Variants in TNFRSF21 observed in about 807,000 individuals in gnomAD.
TNFRSF21 encodes TNF receptor superfamily member 21, also known as tumor necrosis factor receptor superfamily member 21.
TNFRSF21 carries 19 observed loss-of-function variants against 45.6 expected under a neutral mutation model. The observed-to-expected ratio is 0.42, with a 90% CI of 0.29 to 0.61. The LOEUF (loss-of-function observed/expected upper bound fraction) is 0.61. TNFRSF21 is among the 20% of genes least tolerant of loss of function. TNFRSF21 has a pLI of 0.23. For synonymous variants in TNFRSF21, 314 were observed against 335.5 expected (o/e 0.94, Z 0.70); for missense variants, 737 against 851.5 (o/e 0.87, Z 1.67).
chr6:47,256,815 T>C lies in TNFRSF21; in HGVS notation c.1244-3294A>G, dbSNP rs533430187. Among the ~76,000 whole-genome samples the C allele has an allele frequency of 3.3e-5, 5 of 152,330 alleles. No individual in the cohort carries two copies. In the South Asian group the frequency reaches 6.2e-4, roughly 19 times the overall value. On this transcript the variant is annotated intron_variant, in intron 3 of 5. Transcript: ENST00000296861. ...AAAAGTCTTGTTAGTCCCTGAATCT[T>C]AATTTAGATCAATTTGACTAAGGTC...
At chr6:47,282,353 C>T (rs1762579828) in intron 3 of TNFRSF21, among the ~76,000 whole-genome samples, 2 of 145,328 alleles carry the variant, frequency 1.4e-5, no homozygotes, top group Admixed American at 7.2e-5. Flanking sequence ...CATTGCACTC[C>T]AGCCTGAGCA....
chr6:47,253,730 G>A (rs896909299), intron 3 of TNFRSF21, among the ~76,000 whole-genome samples: 6 of 152,192 alleles, frequency 3.9e-5, no homozygotes, highest in African/African-American at 1.4e-4. Context: ...CTTCCTGAGT[G>A]TGGAACCAGA....
intron 4 of TNFRSF21, among the ~76,000 whole-genome samples, chr6:47,248,990 G>A (rs376136634): frequency 3.9e-5 from 6 of 152,182 alleles, no homozygotes; most frequent in African/African-American, 1.4e-4. Flanking sequence ...AGAAACTGAG[G>A]CAGAGAGGCC....
Position 47,234,913 on chromosome 6 carries a change from A to T in TNFRSF21, c.1510-15T>A, listed in dbSNP as rs762364441. ...TCAGTTTCCAGCTGTAGGAGGGAAAATTTTTTTTTATTATATATAGAAAAA... is the reference window on the plus strand; with the variant it reads ...TCAGTTTCCAGCTGTAGGAGGGAAATTTTTTTTTTATTATATATAGAAAAA... On this transcript the variant is annotated splice_polypyrimidine_tract_variant and intron_variant, in intron 4 of 5. Transcript: ENST00000296861. 75 of 1,299,794 alleles carry T rather than the reference A, an allele frequency of 5.8e-5. No individual in the cohort carries two copies. The highest frequency in any genetic ancestry group is 1.2e-4 in the Admixed American group (3 of 24,434). The allele number at this position is 1,299,794 out of a possible 1,614,324, so 80.5% of individuals were successfully genotyped here.
intron 1 of TNFRSF21, among the ~76,000 whole-genome samples, chr6:47,295,804 T>A (rs371727991): frequency 2.0e-5 from 3 of 148,258 alleles, no homozygotes; most frequent in East Asian, 2.0e-4. Flanking sequence ...CTCTCTGATT[T>A]AAAAAAAAAA....
intron 1 of TNFRSF21, 123 bp from the exon 2 acceptor site, chr6:47,286,718 G>T: frequency 9.5e-7 from 1 of 1,057,492 alleles, no homozygotes; most frequent in Non-Finnish European, 1.3e-6. Context: ...GATCCGACCA[G>T]GACTGCATCC....
chr6:47,301,885 A>C (rs1346571942), intron 1 of TNFRSF21, among the ~76,000 whole-genome samples: 1 of 152,180 alleles, frequency 6.6e-6, no homozygotes, highest in East Asian at 1.9e-4. Context: ...AAAACGGATT[A>C]ACAAAAATAT....
In TNFRSF21 at chr6:47,286,065, G is replaced by T; in HGVS notation, c.627C>A (p.Asn209Lys). 3 of 1,614,186 alleles carry T rather than the reference G, an allele frequency of 1.9e-6. No individual in the cohort carries two copies. The highest frequency in any genetic ancestry group is 2.5e-6 in the Non-Finnish European group (3 of 1,180,032). ...AGAAGGACGGGAGTGTGCCACAGAC[G>T]TTGTCTGTCTCCTTGGTCCCCGGCT... is the stretch of plus-strand genomic sequence containing the variant. ...VIKPGTKETD[N>K]VCGTLPSFSS... The change falls in exon 2 of 6, where the codon AAC becomes AAA. Residue 209 changes from asparagine to lysine, a missense_variant. Transcript: ENST00000296861.
In TNFRSF21 at chr6:47,284,278, C is replaced by T. The variant is rs1312603226; in HGVS notation, c.903G>A (p.Gln301=). 4.2e-5 allele frequency: 68 copies of T among 1,611,268 alleles called. 1 individual carries two copies. Among genetic ancestry groups the T allele is most frequent in the Non-Finnish European group, 5.5e-5 (65 of 1,178,644 alleles). ...TLPNLQVVNH[Q]QGPHHRHILK... Reference sequence around the variant, plus strand: ...GGATGTGTCTGTGGTGGGGGCCTTGCTGGTGGTTGACTACCTGAAGGTTTG... The same window carrying T: ...GGATGTGTCTGTGGTGGGGGCCTTGTTGGTGGTTGACTACCTGAAGGTTTG... Residue 301 remains glutamine, a synonymous_variant, in exon 3 of 6, where the codon CAG becomes CAA. Transcript: ENST00000296861.
intron 1 of TNFRSF21, among the ~76,000 whole-genome samples, chr6:47,304,437 T>G (rs1246133444): frequency 2.6e-5 from 4 of 152,194 alleles, no homozygotes; most frequent in Non-Finnish European, 5.9e-5. Context: ...TATAGTTGCC[T>G]GCAAAGTTAA....
chr6:47,309,321 T>G (rs1762983249), intron 1 of TNFRSF21, 95 bp downstream of exon 1: 1 of 1,432,632 alleles, frequency 7.0e-7, no homozygotes, highest in Non-Finnish European at 9.1e-7. Flanking sequence ...GCCCCGCGCC[T>G]CCCTAAGCCC....
chr6:47,233,592 G>A (rs1040114539), intron 5 of TNFRSF21, among the ~76,000 whole-genome samples: 5 of 151,456 alleles, frequency 3.3e-5, no homozygotes, highest in African/African-American at 1.2e-4. Flanking sequence ...ACATTGGGAT[G>A]AGGAACTATA....
intron 3 of TNFRSF21, among the ~76,000 whole-genome samples, chr6:47,258,234 G>A (rs1167918540): frequency 6.6e-6 from 1 of 151,910 alleles, no homozygotes; most frequent in East Asian, 1.9e-4. Flanking sequence ...GCGAGGCGTG[G>A]TGGTGCACAC....
intron 3 of TNFRSF21, among the ~76,000 whole-genome samples, chr6:47,262,019 T>G (rs1765080013): frequency 6.6e-6 from 1 of 152,254 alleles, no homozygotes; most frequent in Non-Finnish European, 1.5e-5. Flanking sequence ...TTAGAAGATC[T>G]GTTTAGATTT....
At position 47,306,550 on chromosome 6, in the gene TNFRSF21, T is replaced by C. The variant is rs558304362; in HGVS notation, c.96+2866A>G. 3.5e-4 allele frequency among the ~76,000 whole-genome samples: 53 copies of C among 152,290 alleles called. 1 individual carries two copies. The South Asian group carries it at 0.011, about 31-fold the overall frequency. ...TATCACCTGCTTCACAAAGATGCTATGAATAAATGAGATACTGTATACAAA... is the reference window on the plus strand; with the variant it reads ...TATCACCTGCTTCACAAAGATGCTACGAATAAATGAGATACTGTATACAAA... On this transcript the variant is annotated intron_variant, in intron 1 of 5. Coordinates refer to ENST00000296861, the MANE Select transcript of TNFRSF21 (RefSeq NM_014452.5).
intron 4 of TNFRSF21, among the ~76,000 whole-genome samples, chr6:47,240,778 T>C (rs1210588910): frequency 6.6e-6 from 1 of 152,202 alleles, no homozygotes; most frequent in Non-Finnish European, 1.5e-5. Context: ...AAGATAAATA[T>C]GAGAGATTCT....
intron 4 of TNFRSF21, 116 bp downstream of exon 4, chr6:47,253,140 G>T: frequency 8.0e-7 from 1 of 1,254,218 alleles, no homozygotes; most frequent in Non-Finnish European, 1.1e-6. Flanking sequence ...GCGTGTGTGT[G>T]TGTGTGTGCC....
chr6:47,307,456 G>A (rs1225867358), intron 1 of TNFRSF21, among the ~76,000 whole-genome samples: 2 of 152,082 alleles, frequency 1.3e-5, no homozygotes, highest in Non-Finnish European at 2.9e-5. Context: ...ACAGCTCACT[G>A]CAGCCTCAAC....
chr6:47,265,726 C>A (rs1762323053), intron 3 of TNFRSF21, among the ~76,000 whole-genome samples: 1 of 152,210 alleles, frequency 6.6e-6, no homozygotes, highest in African/African-American at 2.4e-5. Context: ...AACAATGTAG[C>A]AGAAGAAGCC....
Sources: allele counts gnomAD v4.1 joint callset (sites outside exome capture counted in the v4.1 genomes callset), GRCh38; gene constraint gnomAD v4.1.1; transcripts MANE v1.5; gene names NCBI Gene and HGNC (gene_info 2026-07-23, HGNC 2026-07-21).